The following NTRK3 variants were observed in gnomAD, a reference collection of about 807,000 sequenced individuals.
NTRK3 encodes the protein NT-3 growth factor receptor.
In NTRK3, 24 loss-of-function variants were observed where a neutral mutation model predicts 91.7. That is an observed-to-expected ratio of 0.26 (90% confidence interval 0.19 to 0.37). NTRK3 has a LOEUF of 0.37. Ranked by LOEUF, NTRK3 falls within the 10% of genes least tolerant of loss-of-function variation. The pLI is 1.00. For synonymous variants in NTRK3, 483 were observed against 404.0 expected (o/e 1.20, Z -2.34); for missense variants, 880 against 1,068.9 (o/e 0.82, Z 2.46).
At chr15:87,862,964 T>C (rs768650729) in exon 19 of NTRK3, 1 of 230,650 alleles carries the variant, frequency 4.3e-6, no homozygotes, top group African/African-American at 2.2e-5. Flanking sequence ...GAGTCAAACA[T>C]AGACTTGTAC....
intron 17 of NTRK3, among the ~76,000 whole-genome samples, chr15:87,896,140 G>A (rs2066109654): frequency 6.6e-6 from 1 of 152,120 alleles, no homozygotes; most frequent in Non-Finnish European, 1.5e-5. Flanking sequence ...TCTGGCCATG[G>A]CCATGGTCAC....
chr15:88,236,415 G>GT (rs1567696252), intron 3 of NTRK3, among the ~76,000 whole-genome samples: 1 of 149,466 alleles, frequency 6.7e-6, no homozygotes, highest in African/African-American at 2.5e-5. Context: ...GCTCATGCCT[G>GT]TAATCCCAGC....
At chr15:88,239,330 A>T (rs1224186695) in intron 3 of NTRK3, among the ~76,000 whole-genome samples, 2 of 152,212 alleles carry the variant, frequency 1.3e-5, no homozygotes, top group East Asian at 3.8e-4. Flanking sequence ...GCAGGACTCC[A>T]AAGAGGAGCT....
chr15:88,050,440 T>C (rs1419163969), intron 13 of NTRK3, among the ~76,000 whole-genome samples: 2 of 152,142 alleles, frequency 1.3e-5, no homozygotes, highest in Non-Finnish European at 2.9e-5. Flanking sequence ...ATTAGACATG[T>C]ATCTTTTTAA....
intron 6 of NTRK3, among the ~76,000 whole-genome samples, chr15:88,142,923 A>G (rs1383281177): frequency 3.9e-5 from 6 of 151,916 alleles, no homozygotes; most frequent in Non-Finnish European, 7.4e-5. Context: ...TGGTACCCTT[A>G]AAAAAGAAAT....
At chr15:88,219,782 G>A (rs1291713221) in intron 3 of NTRK3, among the ~76,000 whole-genome samples, 1 of 152,174 alleles carries the variant, frequency 6.6e-6, no homozygotes, top group Non-Finnish European at 1.5e-5. Flanking sequence ...TGAGTGCCAG[G>A]CCCTGCACTG....
rs67163869 is a variant in NTRK3 at position 88,016,956 on chromosome 15, TAAAAAA to T, written c.1585+15895_1585+15900del. 1.3e-4 allele frequency among the ~76,000 whole-genome samples: 11 copies of T among 84,324 alleles called. No individual in the cohort carries two copies. The Admixed American group carries it at 1.4e-3, about 11-fold the overall frequency. 55.3% of individuals were successfully genotyped at this position (84,324 alleles called of 152,430 possible). On this transcript the variant is annotated intron_variant, in intron 14 of 18. Transcript: ENST00000394480. ...AGGTTAAAATGGAAGAGACGAAGCT[TAAAAAA>T]AAAAAAAAAAAAAAAAAAGCCCCTG...
chr15:88,148,204 T>C (rs1219396073), intron 5 of NTRK3, among the ~76,000 whole-genome samples: 3 of 152,210 alleles, frequency 2.0e-5, no homozygotes, highest in Admixed American at 2.0e-4. Context: ...CTATTAAACA[T>C]GTAGGTACTA....
intron 17 of NTRK3, among the ~76,000 whole-genome samples, chr15:87,886,004 T>G (rs2065515527): frequency 6.6e-6 from 1 of 151,878 alleles, no homozygotes; most frequent in African/African-American, 2.4e-5. Context: ...TCCTTCAAAT[T>G]AGTTAGGAAA....
intron 14 of NTRK3, among the ~76,000 whole-genome samples, chr15:87,969,208 T>TC (rs1310109589): frequency 6.6e-6 from 1 of 152,096 alleles, no homozygotes; most frequent in Non-Finnish European, 1.5e-5. Flanking sequence ...CGGAGATGCT[T>TC]CCCACTCATA....
intron 14 of NTRK3, among the ~76,000 whole-genome samples, chr15:87,999,762 C>G (rs769929930): frequency 1.1e-4 from 16 of 152,138 alleles, no homozygotes; most frequent in Non-Finnish European, 2.4e-4. Flanking sequence ...GAAGATGGCA[C>G]TGGGACAGAC....
intron 14 of NTRK3, among the ~76,000 whole-genome samples, chr15:88,016,956 T>TAA (rs67163869): frequency 3.2e-4 from 27 of 84,302 alleles, no homozygotes; most frequent in Admixed American, 5.6e-4. Context: ...AGACGAAGCT[T>TAA]AAAAAAAAAA....
intron 17 of NTRK3, among the ~76,000 whole-genome samples, chr15:87,910,385 G>T (rs529766137): frequency 5.9e-5 from 9 of 152,324 alleles, no homozygotes; most frequent in Admixed American, 2.6e-4. Context: ...GACAGGTTCA[G>T]AAATGGCTCC....
At chr15:88,043,110 A>G (rs1390076578) in intron 13 of NTRK3, among the ~76,000 whole-genome samples, 1 of 152,214 alleles carries the variant, frequency 6.6e-6, no homozygotes, top group African/African-American at 2.4e-5. Context: ...GTCAGGGGCA[A>G]CCAGAAATTC....
At chr15:87,967,554 G>T (rs1366926607) in intron 14 of NTRK3, among the ~76,000 whole-genome samples, 1 of 152,182 alleles carries the variant, frequency 6.6e-6, no homozygotes, top group Non-Finnish European at 1.5e-5. Context: ...ACAGTGCAAT[G>T]AAGGGATGCC....
intron 17 of NTRK3, among the ~76,000 whole-genome samples, chr15:87,914,820 A>C (rs1023675775): frequency 6.6e-6 from 1 of 152,232 alleles, no homozygotes; most frequent in African/African-American, 2.4e-5. Flanking sequence ...CAATGGAGGA[A>C]GGCAACCAAG....
At chr15:87,926,672 C>G (rs577481846) in intron 17 of NTRK3, 1 of 152,186 alleles carries the variant, frequency 6.6e-6, no homozygotes, top group African/African-American at 2.4e-5. Flanking sequence ...GGGATGTGAT[C>G]TTTTTATTTT....
Position 88,064,487 on chromosome 15 carries a change from C to T in NTRK3, c.1397-31442G>A, listed in dbSNP as rs372968548. ...TTCTCTAATGCACTGTCCCATTTTA[C>T]ACTCCCACAGCCTCATCAAGTAGGT... On this transcript the variant is annotated intron_variant, in intron 13 of 18. Transcript: ENST00000394480. Among the ~76,000 whole-genome samples the T allele has an allele frequency of 4.6e-5, 7 of 152,200 alleles. No individual in the cohort carries two copies. The East Asian group carries it at 9.7e-4, about 21-fold the overall frequency.
In NTRK3 at chr15:88,128,701, G is replaced by C; in HGVS notation, c.1228+10C>G. The C allele has an allele frequency of 1.9e-6, 3 of 1,613,816 alleles. No individual in the cohort carries two copies. Among genetic ancestry groups the C allele is most frequent in the Non-Finnish European group, 2.5e-6 (3 of 1,179,744 alleles). On this transcript the variant is annotated intron_variant, in intron 11 of 18. Transcript: ENST00000394480. Reference sequence around the variant, plus strand: ...AATCAGTTTCAAAGCAACAGGTAAAGCAGACTTACACAAGATAAAGTTATC... The same window carrying C: ...AATCAGTTTCAAAGCAACAGGTAAACCAGACTTACACAAGATAAAGTTATC...
Sources: allele counts gnomAD v4.1 joint callset (sites outside exome capture counted in the v4.1 genomes callset), GRCh38; gene constraint gnomAD v4.1.1; transcripts MANE v1.5; gene names NCBI Gene and HGNC (gene_info 2026-07-23, HGNC 2026-07-21).